TEKT5: variants seen among roughly 807,000 people sequenced by gnomAD.
TEKT5 encodes tektin 5.
Under a neutral mutation model 48.7 loss-of-function variants are expected in TEKT5, and 52 were observed. The ratio of observed to expected loss-of-function variants is 1.07; its 90% CI spans 0.86 to 1.35. The LOEUF (loss-of-function observed/expected upper bound fraction) is 1.35, where lower values mean the gene tolerates loss of function less well. TEKT5 is among the 40% of genes most tolerant of loss of function. The pLI, the probability that TEKT5 is intolerant of heterozygous loss-of-function variation, is 0.00. For missense variants in TEKT5, 831 were observed against 641.6 expected, an observed-to-expected ratio of 1.30 and a Z score of -3.19; for synonymous variants, 318 against 267.6, an observed-to-expected ratio of 1.19 and a Z score of -1.84.
intron 3 of TEKT5, among the ~76,000 whole-genome samples, chr16:10,684,797 C>G (rs1419423504): frequency 6.6e-6 from 1 of 152,224 alleles, no homozygotes. Flanking sequence ...CAAGCTCACC[C>G]TGCTGTCAGC....
intron 5 of TEKT5, among the ~76,000 whole-genome samples, chr16:10,641,330 G>C (rs1897992243): frequency 6.6e-6 from 1 of 152,104 alleles, no homozygotes; most frequent in Admixed American, 6.6e-5. Context: ...TTAACCGAAA[G>C]AGGCTCCTAT....
intron 5 of TEKT5, among the ~76,000 whole-genome samples, chr16:10,661,525 G>A (rs1898369791): frequency 2.0e-5 from 3 of 152,206 alleles, no homozygotes; most frequent in South Asian, 4.1e-4. Flanking sequence ...AGATCTCTCT[G>A]GCTGCCATTT....
At chr16:10,688,676 C>T (rs934965489) in intron 3 of TEKT5, among the ~76,000 whole-genome samples, 4 of 152,236 alleles carry the variant, frequency 2.6e-5, no homozygotes, top group African/African-American at 9.6e-5. Flanking sequence ...CCCCAAGCCC[C>T]GTAAAACTTA....
intron 5 of TEKT5, among the ~76,000 whole-genome samples, chr16:10,641,390 C>T (rs1171850325): frequency 6.6e-6 from 1 of 152,170 alleles, no homozygotes; most frequent in South Asian, 2.1e-4. Flanking sequence ...TGAGACGTTA[C>T]AGCCAAGAGG....
chr16:10,667,342 A>T (rs1355517336), intron 5 of TEKT5, among the ~76,000 whole-genome samples: 1 of 152,144 alleles, frequency 6.6e-6, no homozygotes, highest in Non-Finnish European at 1.5e-5. Flanking sequence ...ACCTAACTGG[A>T]TGTGTGAACA....
chr16:10,685,324 C>T (rs1015179285), intron 3 of TEKT5, among the ~76,000 whole-genome samples: 1 of 152,040 alleles, frequency 6.6e-6, no homozygotes, highest in Non-Finnish European at 1.5e-5. Context: ...TTTTTTGAGA[C>T]AGTCTTGCTC....
rs141565464 is a variant in TEKT5 at position 10,664,616 on chromosome 16, G to A, written c.1086+11343C>T. Among the ~76,000 whole-genome samples, 262 of 152,330 alleles carry A rather than the reference G, an allele frequency of 1.7e-3. 1 individual carries two copies. The highest frequency in any genetic ancestry group is 4.8e-3 in the African/African-American group (200 of 41,572). Reference sequence around the variant, plus strand: ...ATCAGAATCCCTAAAGTGAGGCCCAGGCATCTGGGCAATTCCAATGTGGCA... The same window carrying A: ...ATCAGAATCCCTAAAGTGAGGCCCAAGCATCTGGGCAATTCCAATGTGGCA... On this transcript the variant is annotated intron_variant, in intron 5 of 6. Coordinates refer to ENST00000283025, the MANE Select transcript of TEKT5 (RefSeq NM_144674.2).
intron 3 of TEKT5, among the ~76,000 whole-genome samples, chr16:10,684,584 A>G (rs1898822416): frequency 1.3e-5 from 2 of 152,024 alleles, no homozygotes; most frequent in South Asian, 2.1e-4. Context: ...GTCCTGGAGA[A>G]ATGGGGCCCT....
At chr16:10,687,367 A>T (rs1898880866) in intron 3 of TEKT5, among the ~76,000 whole-genome samples, 2 of 152,216 alleles carry the variant, frequency 1.3e-5, no homozygotes, top group Admixed American at 1.3e-4. Flanking sequence ...ATAAGTAATT[A>T]AAAAAATAAG....
intron 5 of TEKT5, among the ~76,000 whole-genome samples, chr16:10,661,567 G>A (rs1211460063): frequency 2.0e-5 from 3 of 152,230 alleles, no homozygotes; most frequent in African/African-American, 7.2e-5. Context: ...ATCTGGACAA[G>A]CTGAGAGACA....
intron 6 of TEKT5, 129 bp downstream of exon 6, chr16:10,635,635 G>T: frequency 7.2e-7 from 1 of 1,380,440 alleles, no homozygotes; most frequent in Non-Finnish European, 9.9e-7. Context: ...TGAGTTGTGG[G>T]ACTGGATGTC....
rs1253156343 is a variant in TEKT5, at chr16:10,650,057, T to TTTTTTA, written c.1087-14145_1087-14140dup. Among the ~76,000 whole-genome samples, 7 of 151,876 alleles carry TTTTTTA rather than the reference T, an allele frequency of 4.6e-5. No homozygotes were observed. In the South Asian group the frequency reaches 1.0e-3, roughly 23 times the overall value. ...TCCTCCCACTCCCCCTGCCATTTCTTTTTTTATTTTTATTTTTATTATTAT... is the reference window on the plus strand; with the variant it reads ...TCCTCCCACTCCCCCTGCCATTTCTTTTTTTATTTTTATTTTTATTTTTATTATTAT... On this transcript the variant is annotated intron_variant, in intron 5 of 6. Coordinates refer to ENST00000283025, the MANE Select transcript of TEKT5 (RefSeq NM_144674.2).
At chr16:10,648,411 A>G (rs1172067121) in intron 5 of TEKT5, among the ~76,000 whole-genome samples, 1 of 151,818 alleles carries the variant, frequency 6.6e-6, no homozygotes, top group Non-Finnish European at 1.5e-5. Flanking sequence ...TCCGCCTCCC[A>G]GGGTCAAGTG....
At position 10,694,806 on chromosome 16, in the gene TEKT5, G is replaced by A. The variant is rs1038717471; in HGVS notation, c.68C>T (p.Ser23Leu). 3.1e-6 allele frequency: 5 copies of A among 1,611,310 alleles called. No homozygotes were observed. In the African/African-American group the frequency reaches 4.0e-5, roughly 13 times the overall value. Residue 23 changes from serine to leucine, a missense_variant, in exon 1 of 7, where the codon TCA becomes TTA. Transcript: ENST00000283025. ...CGPKKCCGLT[S>L]LPAVQAPVIQ... ...CACTGGCGCCTGTACAGCTGGCAGT[G>A]AGGTCAAGCCACAGCATTTCTTGGG...
chr16:10,688,229 C>G (rs566156007), intron 3 of TEKT5, among the ~76,000 whole-genome samples: 15 of 152,216 alleles, frequency 9.9e-5, no homozygotes, highest in Non-Finnish European at 1.9e-4. Context: ...CTCTGTACAC[C>G]TCCACCCCGA....
At chr16:10,628,418 C>T (rs1111492) in intron 6 of TEKT5, among the ~76,000 whole-genome samples, 104,147 of 152,086 alleles carry the variant, frequency 0.68, 36,453 homozygotes, top group Non-Finnish European at 0.77. Context: ...CCAGCAGTTC[C>T]GCTCCCGGGT....
chr16:10,636,440 C>T (rs868472363), intron 5 of TEKT5, among the ~76,000 whole-genome samples: 1 of 151,694 alleles, frequency 6.6e-6, no homozygotes, highest in Non-Finnish European at 1.5e-5. Context: ...CACCGGGGCA[C>T]TGTGGACATG....
In TEKT5 at chr16:10,652,088, G is replaced by T. The variant is rs142724145; in HGVS notation, c.1087-16170C>A. ...TCTCTGAGCCGTTCCACTACAGCAG[G>T]GATCATAATCATTCCTAGTCCATGG... On this transcript the variant is annotated intron_variant, in intron 5 of 6. Transcript: ENST00000283025. Among the ~76,000 whole-genome samples the T allele has an allele frequency of 7.4e-3, 1,124 of 152,268 alleles. 23 individuals are homozygous for T. The highest frequency in any genetic ancestry group is 0.022 in the African/African-American group (932 of 41,554).
At chr16:10,635,182 C>G (rs576915070) in intron 6 of TEKT5, among the ~76,000 whole-genome samples, 3 of 124,372 alleles carry the variant, frequency 2.4e-5, no homozygotes, top group Admixed American at 8.9e-5. Flanking sequence ...CCCCACCCCC[C>G]ACCCCCCACA....
Sources: gnomAD v4.1 joint callset for allele counts (sites outside exome capture counted in the v4.1 genomes callset) on GRCh38, gnomAD v4.1.1 for gene constraint, MANE v1.5 for transcripts, NCBI Gene and HGNC (gene_info 2026-07-23, HGNC 2026-07-21) for gene names.